Variants in RGS6 observed in about 807,000 individuals in gnomAD.
RGS6 encodes the protein regulator of G-protein signaling 6.
RGS6 carries 30 observed loss-of-function variants against 78.5 expected under a neutral mutation model. The observed-to-expected ratio is 0.38, with a 90% CI of 0.29 to 0.52. RGS6 has a LOEUF of 0.52. Ranked by LOEUF, RGS6 falls within the 20% of genes least tolerant of loss-of-function variation. The pLI is 0.85. For missense variants in RGS6, 495 were observed against 609.7 expected (o/e 0.81, Z 1.98); for synonymous variants, 206 against 206.0 (o/e 1.00, Z 0.00).
intron 2 of RGS6, among the ~76,000 whole-genome samples, chr14:72,215,837 A>G (rs2045429025): frequency 6.6e-6 from 1 of 152,216 alleles, no homozygotes; most frequent in South Asian, 2.1e-4. Flanking sequence ...TTTCTTTATT[A>G]TGGCTAGCAG....
chr14:71,999,793 C>A (rs765739462), intron 2 of RGS6, among the ~76,000 whole-genome samples: 7 of 152,186 alleles, frequency 4.6e-5, no homozygotes, highest in Non-Finnish European at 7.3e-5. Context: ...CTTCCTGAGG[C>A]CTCCCCAGCA....
chr14:72,552,160 G>A (rs1317881141), intron 17 of RGS6, among the ~76,000 whole-genome samples: 1 of 152,236 alleles, frequency 6.6e-6, no homozygotes, highest in East Asian at 1.9e-4. Flanking sequence ...TCTGCACAAG[G>A]TGCATGTATT....
chr14:72,413,824 A>G (rs1198069387), intron 3 of RGS6, among the ~76,000 whole-genome samples: 2 of 152,136 alleles, frequency 1.3e-5, no homozygotes, highest in Non-Finnish European at 2.9e-5. Flanking sequence ...TCCTTCACTT[A>G]TGAAGCTTAG....
intron 2 of RGS6, among the ~76,000 whole-genome samples, chr14:72,344,861 G>C (rs796245521): frequency 3.3e-5 from 5 of 152,280 alleles, no homozygotes; most frequent in African/African-American, 1.2e-4. Flanking sequence ...CTGCAGTGTG[G>C]GAAACAGATC....
chr14:72,087,796 G>A (rs1481727225), intron 2 of RGS6, among the ~76,000 whole-genome samples: 1 of 152,010 alleles, frequency 6.6e-6, no homozygotes, highest in African/African-American at 2.4e-5. Flanking sequence ...ACCCACAAAT[G>A]GGCCAGTGAT....
intron 2 of RGS6, among the ~76,000 whole-genome samples, chr14:72,293,172 GGT>G (rs1271947338): frequency 6.6e-6 from 1 of 152,034 alleles, no homozygotes; most frequent in Non-Finnish European, 1.5e-5. Context: ...TATCCAAGGG[GGT>G]GTTCTTACTG....
chr14:72,222,545 G>A (rs571375798), intron 2 of RGS6, among the ~76,000 whole-genome samples: 52 of 152,170 alleles, frequency 3.4e-4, no homozygotes, highest in Non-Finnish European at 1.3e-4. Flanking sequence ...TCATCACTTC[G>A]ATTCCATTTA....
At chr14:72,547,352 C>T (rs1029710138) in intron 17 of RGS6, 12 of 1,534,498 alleles carry the variant, frequency 7.8e-6, no homozygotes, top group Non-Finnish European at 1.0e-5. Flanking sequence ...AGTCTGAGGA[C>T]TTCAAAGGCT....
At chr14:72,110,023 C>T (rs1567222933) in intron 2 of RGS6, among the ~76,000 whole-genome samples, 2 of 152,212 alleles carry the variant, frequency 1.3e-5, no homozygotes, top group Non-Finnish European at 2.9e-5. Flanking sequence ...AACTTTCTGA[C>T]ATTGAGTGTG....
chr14:72,130,996 C>A (rs536940354), intron 2 of RGS6, among the ~76,000 whole-genome samples: 146 of 152,318 alleles, frequency 9.6e-4, no homozygotes, highest in African/African-American at 3.4e-3. Context: ...GCCTGCTAGG[C>A]TCTGCCTTGG....
chr14:72,275,221 C>A (rs899219329), intron 2 of RGS6, among the ~76,000 whole-genome samples: 5 of 152,158 alleles, frequency 3.3e-5, no homozygotes, highest in Admixed American at 2.0e-4. Context: ...CTTTAATGAA[C>A]ACATATTAAT....
At chr14:72,327,242 T>G (rs780550060) in intron 2 of RGS6, among the ~76,000 whole-genome samples, 20 of 152,206 alleles carry the variant, frequency 1.3e-4, no homozygotes, top group South Asian at 4.1e-4. Context: ...ATCTGCTACC[T>G]CCAGCTTTGT....
chr14:72,470,066 A>C lies in RGS6; in HGVS notation c.519A>C (p.Gln173His). ...FARKWEFIFMQAEAQVKIDRK... is the reference protein window; with the variant it reads ...FARKWEFIFMHAEAQVKIDRK... ...GGAAGTGGGAATTCATCTTTATGCA[A>C]GCAGAAGCACAAGTAAAGTAGGTGA... Residue 173 changes from glutamine (Q) to histidine (H), a missense_variant, in exon 8 of 18, where the codon CAA becomes CAC. Physicochemically the swap from Gln to His is conservative, Grantham distance 24. Transcript: ENST00000553525. 1 of 1,612,960 alleles carries C rather than the reference A, an allele frequency of 6.2e-7. No homozygotes were observed. Among genetic ancestry groups the C allele is most frequent in the Non-Finnish European group, 8.5e-7 (1 of 1,179,224 alleles).
intron 2 of RGS6, among the ~76,000 whole-genome samples, chr14:72,290,274 T>C (rs997802903): frequency 3.9e-5 from 6 of 152,212 alleles, no homozygotes; most frequent in African/African-American, 1.4e-4. Flanking sequence ...CTCAAGAGGT[T>C]GACATCCTTC....
At chr14:72,264,297 C>G (rs932749101) in intron 2 of RGS6, among the ~76,000 whole-genome samples, 2 of 152,174 alleles carry the variant, frequency 1.3e-5, no homozygotes, top group African/African-American at 4.8e-5. Context: ...AACATTTTAA[C>G]TTAAAGCACT....
In RGS6 at chr14:72,518,507, T is replaced by C. The variant is rs1041934704; in HGVS notation, c.1248T>C (p.Asp416=). ...SYEITSQNVK[D]GGRYTFEDAQ... ...AGATAACCAGTCAAAATGTCAAAGA[T>C]GGAGGGAGATATACATTTGAAGACG... The change falls in exon 15 of 18, where the codon GAT becomes GAC. Residue 416 remains aspartate (D), a synonymous_variant. Coordinates refer to ENST00000553525, the MANE Select transcript of RGS6 (RefSeq NM_001204424.2). 2.5e-6 allele frequency: 4 copies of C among 1,614,184 alleles called. No individual in the cohort carries two copies. The highest frequency in any genetic ancestry group is 2.5e-6 in the Non-Finnish European group (3 of 1,180,032).
chr14:72,508,642 G>A (rs770377013), intron 13 of RGS6, among the ~76,000 whole-genome samples: 15 of 135,966 alleles, frequency 1.1e-4, no homozygotes, highest in Non-Finnish European at 1.8e-4. Context: ...TCCATAATAA[G>A]AGGAAACATG....
chr14:72,281,185 G>T (rs553920642), intron 2 of RGS6, among the ~76,000 whole-genome samples: 6 of 124,378 alleles, frequency 4.8e-5, no homozygotes, highest in Admixed American at 2.1e-4. Context: ...GTCTCGCTCT[G>T]TCATCCAGGC....
intron 2 of RGS6, among the ~76,000 whole-genome samples, chr14:71,995,833 T>C (rs1167327065): frequency 6.6e-6 from 1 of 152,190 alleles, no homozygotes. Flanking sequence ...TCAGAAAATG[T>C]GGCCATAGTT....
Sources: gnomAD v4.1 joint callset for allele counts (sites outside exome capture counted in the v4.1 genomes callset) on GRCh38, gnomAD v4.1.1 for gene constraint, MANE v1.5 for transcripts, NCBI Gene and HGNC (gene_info 2026-07-23, HGNC 2026-07-21) for gene names.